RAPGEF2: variants seen among roughly 807,000 people sequenced by gnomAD.
RAPGEF2 encodes PDZ domain containing guanine nucleotide exchange factor (GEF) 1.
In RAPGEF2, 54 loss-of-function variants were observed where a neutral mutation model predicts 186.7. The ratio of observed to expected loss-of-function variants is 0.29; its 90% CI spans 0.23 to 0.36. The LOEUF is 0.36. RAPGEF2 is among the 10% of genes least tolerant of loss of function. The pLI, the probability that RAPGEF2 is intolerant of heterozygous loss-of-function variation, is 1.00. For missense variants in RAPGEF2, 1,532 were observed against 2,045.0 expected, an observed-to-expected ratio of 0.75 and a Z score of 4.84; for synonymous variants, 712 against 705.9, an observed-to-expected ratio of 1.01 and a Z score of -0.14.
At chr4:159,339,474 G>T (rs1373752312) in intron 19 of RAPGEF2, 120 bp downstream of exon 19, 2 of 1,272,156 alleles carry the variant, frequency 1.6e-6, no homozygotes, top group African/African-American at 1.5e-5. Flanking sequence ...CGATTAAAAA[G>T]TATTGTTGTT....
In RAPGEF2 at chr4:159,313,163, A is replaced by G. The variant is rs540500207; in HGVS notation, c.676-1428A>G. Among the ~76,000 whole-genome samples, 686 of 101,670 alleles carry G rather than the reference A, an allele frequency of 6.7e-3. 5 individuals carry two copies. Among genetic ancestry groups the G allele is most frequent in the African/African-American group, 0.022 (624 of 28,910 alleles). 66.7% of individuals were successfully genotyped at this position (101,670 alleles called of 152,430 possible). ...ACTCTGTCTCAAAAAAAACAAAAAG[A>G]AAGAAAGAAAAAGAAAATAGCACAA... On this transcript the variant is annotated intron_variant, in intron 8 of 29. Coordinates refer to ENST00000691494, the MANE Select transcript of RAPGEF2 (RefSeq NM_001394067.2).
chr4:159,322,429 G>C lies in RAPGEF2; in HGVS notation c.936G>C (p.Met312Ile). 1.2e-6 allele frequency: 2 copies of C among 1,613,942 alleles called. No homozygotes were observed. The highest frequency in any genetic ancestry group is 1.7e-6 in the Non-Finnish European group (2 of 1,179,856). ...TGAGGCGAGAACTCTGTGCTGTGAT[G>C]GTGTTCGCAGTGGTGGAAAGAGCAG... ...MSVRRELCAV[M>I]VFAVVERAGT... The change falls in exon 10 of 30, where the codon ATG becomes ATC. Residue 312 changes from methionine (M) to isoleucine (I), a missense_variant. Met to Ile is a conservative substitution (Grantham distance 10, BLOSUM62 1). Coordinates refer to ENST00000691494, the MANE Select transcript of RAPGEF2 (RefSeq NM_001394067.2).
At chr4:159,229,988 G>A (rs1752457959) in intron 4 of RAPGEF2, among the ~76,000 whole-genome samples, 1 of 152,144 alleles carries the variant, frequency 6.6e-6, no homozygotes, top group Non-Finnish European at 1.5e-5. Flanking sequence ...TCTTGTGGTT[G>A]TTTAATATCA....
chr4:159,254,097 G>C (rs921509154), intron 7 of RAPGEF2, among the ~76,000 whole-genome samples: 1 of 152,164 alleles, frequency 6.6e-6, no homozygotes, highest in Non-Finnish European at 1.5e-5. Flanking sequence ...TTAAAAGGAC[G>C]TATACTAATG....
chr4:159,345,308 T>C lies in RAPGEF2; in HGVS notation c.3481T>C (p.Cys1161Arg). 1.9e-6 allele frequency: 3 copies of C among 1,614,114 alleles called. No individual in the cohort carries two copies. The highest frequency in any genetic ancestry group is 2.5e-6 in the Non-Finnish European group (3 of 1,180,012). ...GAGTCTTCAGACATTATCTCTGCAG[T>C]GTGAGCCAGCAACCAACACATGTGA... ...EESLQTLSLQ[C>R]EPATNTLPKN... is the part of the protein sequence containing the mutation. The change falls in exon 24 of 30, where the codon TGT becomes CGT. Residue 1161 changes from cysteine to arginine, a missense_variant. Physicochemically the swap from Cys to Arg is radical, Grantham distance 180 (BLOSUM62 -3). Around this residue, in one of 4 missense-constraint regions of RAPGEF2, gnomAD observed 117 missense variants for 180.8 expected, o/e 0.65. Coordinates refer to ENST00000691494, the MANE Select transcript of RAPGEF2 (RefSeq NM_001394067.2).
intron 29 of RAPGEF2, 40 bp downstream of exon 29, chr4:159,356,198 T>G: frequency 6.4e-7 from 1 of 1,557,750 alleles, no homozygotes; most frequent in Non-Finnish European, 8.8e-7. Flanking sequence ...CCAAGTTAGA[T>G]GTGTTCACTT....
intron 7 of RAPGEF2, among the ~76,000 whole-genome samples, chr4:159,281,145 C>A (rs1183002479): frequency 6.6e-6 from 1 of 151,938 alleles, no homozygotes; most frequent in South Asian, 2.1e-4. Flanking sequence ...GCACGCACTA[C>A]CACGTGCAGC....
At chr4:159,289,310 A>T (rs1419990134) in intron 7 of RAPGEF2, among the ~76,000 whole-genome samples, 4 of 152,148 alleles carry the variant, frequency 2.6e-5, no homozygotes, top group African/African-American at 4.8e-5. Context: ...TCTTGTTGAG[A>T]TCTATGATAG....
chr4:159,354,794 AGCTATT>A (rs1266722547), intron 28 of RAPGEF2, among the ~76,000 whole-genome samples: 1 of 152,266 alleles, frequency 6.6e-6, no homozygotes, highest in Non-Finnish European at 1.5e-5. Flanking sequence ...AGTACATGAA[AGCTATT>A]GCTGCTGCTG....
In RAPGEF2 at chr4:159,128,356, A is replaced by G. The variant is rs150293851; in HGVS notation, c.69+24125A>G. Among the ~76,000 whole-genome samples the G allele has an allele frequency of 6.3e-3, 966 of 152,244 alleles. 9 individuals carry two copies. The highest frequency in any genetic ancestry group is 0.012 in the East Asian group (61 of 5,182). On this transcript the variant is annotated intron_variant, in intron 1 of 29. Coordinates refer to ENST00000691494, the MANE Select transcript of RAPGEF2 (RefSeq NM_001394067.2). ...TTTCTCACCTGTAAAATGGAACACA[A>G]TGCTTTCCATACCTATTTTCAGGGT...
intron 7 of RAPGEF2, among the ~76,000 whole-genome samples, chr4:159,298,933 G>A (rs560162947): frequency 1.3e-5 from 2 of 152,060 alleles, no homozygotes; most frequent in Non-Finnish European, 2.9e-5. Flanking sequence ...CACAACACAG[G>A]CTTTCAATAA....
chr4:159,256,265 C>G (rs1475984378), intron 7 of RAPGEF2, among the ~76,000 whole-genome samples: 2 of 152,094 alleles, frequency 1.3e-5, no homozygotes, highest in East Asian at 3.8e-4. Flanking sequence ...TGTTCCCCTC[C>G]CTGTGTTCCC....
At position 159,287,389 on chromosome 4, in the gene RAPGEF2, AC is replaced by A. The variant is rs1340344297; in HGVS notation, c.544-16952del. On this transcript the variant is annotated intron_variant, in intron 7 of 29. Transcript: ENST00000691494. Reference sequence around the variant, plus strand: ...AAGCTTCTTAGGAATTTTAGATGATACGGAATTTTAGAAATACAGACATTCT... The same window carrying A: ...AAGCTTCTTAGGAATTTTAGATGATAGGAATTTTAGAAATACAGACATTCT... Among the ~76,000 whole-genome samples the A allele has an allele frequency of 7.2e-5, 11 of 152,274 alleles. No homozygotes were observed. The East Asian group carries it at 2.1e-3, about 29-fold the overall frequency.
chr4:159,151,521 T>A (rs1743529193), intron 1 of RAPGEF2, among the ~76,000 whole-genome samples: 1 of 152,248 alleles, frequency 6.6e-6, no homozygotes. Flanking sequence ...CTGTTCTGCA[T>A]AAAGTCCTGT....
intron 1 of RAPGEF2, among the ~76,000 whole-genome samples, chr4:159,121,159 T>TG (rs1739636729): frequency 6.6e-6 from 1 of 152,018 alleles, no homozygotes; most frequent in African/African-American, 2.4e-5. Flanking sequence ...GGCCGATCTT[T>TG]GAAGCTCATG....
At chr4:159,287,288 A>G (rs1760629756) in intron 7 of RAPGEF2, among the ~76,000 whole-genome samples, 1 of 152,108 alleles carries the variant, frequency 6.6e-6, no homozygotes, top group Non-Finnish European at 1.5e-5. Context: ...ATGTCATGTG[A>G]TTCTTTAATA....
intron 26 of RAPGEF2, among the ~76,000 whole-genome samples, chr4:159,351,671 A>C (rs898991963): frequency 1.4e-4 from 21 of 152,204 alleles, no homozygotes; most frequent in African/African-American, 4.1e-4. Flanking sequence ...GGCCGGGTGC[A>C]GTGGCTTACG....
At chr4:159,357,657 ACC>A (rs567591862) in intron 29 of RAPGEF2, among the ~76,000 whole-genome samples, 137 of 152,290 alleles carry the variant, frequency 9.0e-4, no homozygotes, top group African/African-American at 2.9e-3. Context: ...TGGATGGCAA[ACC>A]CACACCCTGT....
At chr4:159,323,072 T>A (rs1765449096) in intron 10 of RAPGEF2, among the ~76,000 whole-genome samples, 2 of 152,224 alleles carry the variant, frequency 1.3e-5, no homozygotes, top group South Asian at 4.1e-4. Context: ...TATTAACTTT[T>A]CAGTTTTTGC....
Sources: gnomAD v4.1 joint callset for allele counts (sites outside exome capture counted in the v4.1 genomes callset) on GRCh38, gnomAD v4.1.1 for gene constraint, gnomAD v4.1.1 regional missense constraint, MANE v1.5 for transcripts, NCBI Gene and HGNC (gene_info 2026-07-23, HGNC 2026-07-21) for gene names.